Variants in ZNF93 observed in about 807,000 individuals in gnomAD.
ZNF93 encodes zinc finger protein 505.
In ZNF93, 29 loss-of-function variants were observed where a neutral mutation model predicts 45.0. The ratio of observed to expected loss-of-function variants is 0.64; its 90% CI spans 0.48 to 0.88. The LOEUF (loss-of-function observed/expected upper bound fraction) is 0.88. ZNF93 is among the 40% of genes least tolerant of loss of function. The probability of loss-of-function intolerance (pLI) is 0.00; values close to 1 mark genes in which losing one functional copy is unlikely to be tolerated. For missense variants in ZNF93, 578 were observed against 724.0 expected (o/e 0.80, Z 2.31); for synonymous variants, 223 against 244.6 (o/e 0.91, Z 0.82).
At chr19:19,930,641 C>G (rs2063371027) in intron 3 of ZNF93, among the ~76,000 whole-genome samples, 1 of 150,626 alleles carries the variant, frequency 6.6e-6, no homozygotes, top group Admixed American at 6.7e-5. Context: ...AAGGCTCTCA[C>G]TCTTGTCTTC....
At position 19,934,471 on chromosome 19, in the gene ZNF93, G is replaced by A. The variant is rs1200231102; in HGVS notation, c.1516G>A (p.Glu506Lys). 6.2e-7 allele frequency: 1 copy of A among 1,612,350 alleles called. No individual in the cohort carries two copies. The highest frequency in any genetic ancestry group is 8.5e-7 in the Non-Finnish European group (1 of 1,179,816). Residue 506 changes from glutamate to lysine, a missense_variant, in exon 4 of 4, where the codon GAG becomes AAG. Physicochemically the swap from Glu to Lys is moderately conservative, Grantham distance 56. Coordinates refer to ENST00000343769, the MANE Select transcript of ZNF93 (RefSeq NM_031218.4). Reference sequence around the variant, plus strand: ...TAAACATAAGAAAATTCATACTGGAGAGAAACCCTACAAATGTGAAGAATG... The same window carrying A: ...TAAACATAAGAAAATTCATACTGGAAAGAAACCCTACAAATGTGAAGAATG... Reference protein sequence around the residue: ...LTKHKKIHTGEKPYKCEECGK... With the variant: ...LTKHKKIHTGKKPYKCEECGK...
chr19:19,914,024 C>T (rs933177790), intron 1 of ZNF93, among the ~76,000 whole-genome samples: 1 of 139,498 alleles, frequency 7.2e-6, no homozygotes, highest in African/African-American at 3.3e-5. Flanking sequence ...TTTTTATATC[C>T]CACAGACTTC....
Position 19,914,809 on chromosome 19 carries a change from C to T in ZNF93, c.4-471C>T, listed in dbSNP as rs559032690. ...CAAAATATCCTTCTCGGGCCAAAAA[C>T]ATTGACATTTTTGGTGAGCTTGTTA... On this transcript the variant is annotated intron_variant, in intron 1 of 3. Transcript: ENST00000343769. 14 of 373,092 alleles carry T rather than the reference C, an allele frequency of 3.8e-5. No homozygotes were observed. In the East Asian group the frequency reaches 9.1e-4, roughly 24 times the overall value. 23.1% of individuals were successfully genotyped at this position (373,092 alleles called of 1,614,324 possible).
chr19:19,919,985 A>G (rs1375244038), intron 3 of ZNF93, among the ~76,000 whole-genome samples: 4 of 152,178 alleles, frequency 2.6e-5, no homozygotes, highest in African/African-American at 7.2e-5. Context: ...TTCCAACACT[A>G]TGTTGAGTAG....
chr19:19,925,881 GA>G (rs1049507883), intron 3 of ZNF93, among the ~76,000 whole-genome samples: 3 of 152,002 alleles, frequency 2.0e-5, no homozygotes, highest in African/African-American at 7.2e-5. Flanking sequence ...TTTTGTGTAA[GA>G]ATAGCATATA....
Position 19,900,989 on chromosome 19 carries a change from C to A in ZNF93, c.-100C>A, listed in dbSNP as rs1269281631. 32 of 1,561,034 alleles carry A rather than the reference C, an allele frequency of 2.0e-5. No homozygotes were observed. The highest frequency in any genetic ancestry group is 1.3e-5 in the Non-Finnish European group (15 of 1,133,636). On this transcript the variant is annotated 5_prime_UTR_variant, in exon 1 of 4. In the 5' UTR this introduces an upstream ATG that the reference lacks. Coordinates refer to ENST00000343769, the MANE Select transcript of ZNF93 (RefSeq NM_031218.4). ...AGCTCCAGGTCTCCTCTTCACTACT[C>A]TGTGTCCTGTGCTCCTACAGGCCCA...
intron 1 of ZNF93, chr19:19,909,455 G>A (rs1422084981): frequency 6.6e-6 from 1 of 152,238 alleles, no homozygotes; most frequent in Non-Finnish European, 1.5e-5. Flanking sequence ...AAGTTTATTT[G>A]TCATTGAATA....
At chr19:19,928,987 A>C (rs867728788) in intron 3 of ZNF93, among the ~76,000 whole-genome samples, 6 of 152,132 alleles carry the variant, frequency 3.9e-5, no homozygotes, top group African/African-American at 1.4e-4. Context: ...TCATGCTGCA[A>C]TATAAATCCT....
chr19:19,922,043 G>T (rs538977000), intron 3 of ZNF93, among the ~76,000 whole-genome samples: 4 of 152,264 alleles, frequency 2.6e-5, no homozygotes, highest in South Asian at 4.1e-4. Context: ...TAGCCTCGAT[G>T]GTCTTTACTA....
rs2063381799 is a variant in ZNF93 at position 19,933,597 on chromosome 19, TG to T, written c.643del (p.Ala215ProfsTer170). 2.5e-6 allele frequency: 4 copies of T among 1,604,396 alleles called. No homozygotes were observed. In the African/African-American group the frequency reaches 5.5e-5, roughly 22 times the overall value. On this transcript the variant is annotated frameshift_variant, in exon 4 of 4. Transcript: ENST00000343769. LOFTEE classifies it high-confidence loss of function. ...GTGGCAAAGCCTTTAAGTACTCCTC[TG>T]CCCTTAATACACATAAGAGAATTCA... ...ECGKAFKYSS[A>X]LNTHKRIHTG...
At chr19:19,915,844 GA>G (rs2063322202) in intron 2 of ZNF93, among the ~76,000 whole-genome samples, 2 of 151,752 alleles carry the variant, frequency 1.3e-5, no homozygotes, top group South Asian at 2.1e-4. Context: ...TACTTCTCGA[GA>G]AAAAAACAAA....
chr19:19,925,405 C>T (rs1276566527), intron 3 of ZNF93, among the ~76,000 whole-genome samples: 1 of 152,114 alleles, frequency 6.6e-6, no homozygotes, highest in Non-Finnish European at 1.5e-5. Flanking sequence ...ACCATAATGC[C>T]TGGTTTTCTC....
At position 19,933,453 on chromosome 19, in the gene ZNF93, A is replaced by G. The variant is rs1282460900; in HGVS notation, c.498A>G (p.Arg166=). ...CAAATTCAAATAGACATAATATAAG[A>G]CATACTGAAAAAAAACCTTTCAAAT... ...KFSNSNRHNI[R]HTEKKPFKCI... is the part of the protein sequence containing the mutation. Residue 166 remains arginine (R), a synonymous_variant, in exon 4 of 4, where the codon AGA becomes AGG. Transcript: ENST00000343769. 6.2e-7 allele frequency: 1 copy of G among 1,604,228 alleles called. No individual in the cohort carries two copies. Among genetic ancestry groups the G allele is most frequent in the African/African-American group, 1.3e-5 (1 of 74,278 alleles).
At chr19:19,916,282 G>A (rs2063323306) in intron 2 of ZNF93, among the ~76,000 whole-genome samples, 1 of 152,000 alleles carries the variant, frequency 6.6e-6, no homozygotes, top group South Asian at 2.1e-4. Flanking sequence ...GGCCAGTCTG[G>A]TCTCCAACTC....
intron 2 of ZNF93, among the ~76,000 whole-genome samples, chr19:19,915,779 T>C (rs2063321960): frequency 6.6e-6 from 1 of 151,978 alleles, no homozygotes; most frequent in South Asian, 2.1e-4. Context: ...GACACGGAGG[T>C]TGCAATGAGC....
chr19:19,903,230 A>G (rs903194926), intron 1 of ZNF93, among the ~76,000 whole-genome samples: 2 of 152,152 alleles, frequency 1.3e-5, no homozygotes, highest in Non-Finnish European at 2.9e-5. Context: ...CTCCCTAGGG[A>G]GGAGCAAACA....
At chr19:19,912,212 T>A (rs2063310733) in intron 1 of ZNF93, among the ~76,000 whole-genome samples, 1 of 152,190 alleles carries the variant, frequency 6.6e-6, no homozygotes, top group Non-Finnish European at 1.5e-5. Context: ...ACTCTGGGAT[T>A]TAAGTTTCTT....
In ZNF93 at chr19:19,900,998, G is replaced by C. The variant is rs913759012; in HGVS notation, c.-91G>C. ...TCTCCTCTTCACTACTCTGTGTCCTGTGCTCCTACAGGCCCAGCCTCTGTG... is the reference window on the plus strand; with the variant it reads ...TCTCCTCTTCACTACTCTGTGTCCTCTGCTCCTACAGGCCCAGCCTCTGTG... On this transcript the variant is annotated 5_prime_UTR_variant, in exon 1 of 4. Transcript: ENST00000343769. 1.3e-6 allele frequency: 2 copies of C among 1,574,670 alleles called. No individual in the cohort carries two copies. The highest frequency in any genetic ancestry group is 1.7e-6 in the Non-Finnish European group (2 of 1,145,634).
At chr19:19,914,677 CTTT>C (rs1200244320) in intron 1 of ZNF93, 1 of 232,850 alleles carries the variant, frequency 4.3e-6, no homozygotes, top group Non-Finnish European at 8.4e-6. Flanking sequence ...GTCCTTTTTT[CTTT>C]TTTTTTCTAT....
Sources: gnomAD v4.1 joint callset for allele counts (sites outside exome capture counted in the v4.1 genomes callset) on GRCh38, gnomAD v4.1.1 for gene constraint, MANE v1.5 for transcripts, NCBI Gene and HGNC (gene_info 2026-07-23, HGNC 2026-07-21) for gene names.